Variants in GADL1 observed in about 807,000 individuals in gnomAD.
GADL1 encodes GAD like acidic amino acid decarboxylase 1.
In GADL1, 71 loss-of-function variants were observed where a neutral mutation model predicts 69.5. The ratio of observed to expected loss-of-function variants is 1.02; its 90% CI spans 0.84 to 1.25. The LOEUF (loss-of-function observed/expected upper bound fraction) is 1.25. Ranked by LOEUF, GADL1 falls within the 50% of genes most tolerant of loss-of-function variation. The probability of loss-of-function intolerance (pLI) is 0.00; values close to 1 mark genes in which losing one functional copy is unlikely to be tolerated. For missense variants in GADL1, 737 were observed against 631.8 expected (o/e 1.17, Z -1.79); for synonymous variants, 254 against 214.4 (o/e 1.18, Z -1.62).
intron 1 of GADL1, among the ~76,000 whole-genome samples, chr3:30,884,923 G>A (rs1045825140): frequency 2.6e-5 from 4 of 151,976 alleles, no homozygotes; most frequent in African/African-American, 9.7e-5. Flanking sequence ...TTTATCGTAT[G>A]GGGGCAGTGA....
At chr3:30,877,470 C>A (rs1158547854) in intron 1 of GADL1, among the ~76,000 whole-genome samples, 1 of 151,860 alleles carries the variant, frequency 6.6e-6, no homozygotes, top group Non-Finnish European at 1.5e-5. Flanking sequence ...TTTTCTTTAT[C>A]CTCTATCACT....
At chr3:30,888,962 TATA>T (rs1388925947) in intron 1 of GADL1, among the ~76,000 whole-genome samples, 1 of 151,678 alleles carries the variant, frequency 6.6e-6, no homozygotes, top group Admixed American at 6.6e-5. Flanking sequence ...TATATAAATG[TATA>T]ATATTAAAAG....
At chr3:30,854,510 C>T (rs538775506) in intron 4 of GADL1, among the ~76,000 whole-genome samples, 189 bp downstream of exon 4, 1 of 152,186 alleles carries the variant, frequency 6.6e-6, no homozygotes, top group East Asian at 1.9e-4. Flanking sequence ...ACTGCCTTTT[C>T]CATCTCACGG....
At chr3:30,859,214 A>G (rs2125535935) in intron 2 of GADL1, among the ~76,000 whole-genome samples, 1 of 151,920 alleles carries the variant, frequency 6.6e-6, no homozygotes, top group African/African-American at 2.4e-5. Flanking sequence ...GTAGCCAGGG[A>G]GTGAAAAGAC....
intron 11 of GADL1, among the ~76,000 whole-genome samples, chr3:30,825,275 A>G (rs1697663825): frequency 6.6e-6 from 1 of 151,940 alleles, no homozygotes; most frequent in African/African-American, 2.4e-5. Flanking sequence ...TTTCTGCCCA[A>G]ATCATTATTT....
intron 14 of GADL1, among the ~76,000 whole-genome samples, chr3:30,738,839 C>T (rs1477745025): frequency 6.6e-6 from 1 of 152,190 alleles, no homozygotes; most frequent in African/African-American, 2.4e-5. Flanking sequence ...ATGAGAAGCA[C>T]CTGAAATACA....
chr3:30,752,344 G>A (rs1695842923), intron 14 of GADL1, among the ~76,000 whole-genome samples: 1 of 152,014 alleles, frequency 6.6e-6, no homozygotes, highest in South Asian at 2.1e-4. Flanking sequence ...ACAGTTACGG[G>A]TGCAGTTTAA....
At chr3:30,777,160 T>C (rs940918063) in intron 14 of GADL1, among the ~76,000 whole-genome samples, 2 of 152,168 alleles carry the variant, frequency 1.3e-5, no homozygotes, top group African/African-American at 4.8e-5. Flanking sequence ...TAGTGGACAC[T>C]CAGCAAATGT....
At chr3:30,804,066 A>G (rs1303640368) in intron 11 of GADL1, among the ~76,000 whole-genome samples, 1 of 152,202 alleles carries the variant, frequency 6.6e-6, no homozygotes, top group East Asian at 1.9e-4. Context: ...ATTAGTAGAC[A>G]TTGTATTAGG....
intron 14 of GADL1, among the ~76,000 whole-genome samples, chr3:30,762,696 TCTC>T (rs777595079): frequency 4.0e-5 from 6 of 151,794 alleles, no homozygotes; most frequent in Middle Eastern, 3.4e-3. Flanking sequence ...TCATAATAGG[TCTC>T]CTTCATTCTT....
intron 14 of GADL1, among the ~76,000 whole-genome samples, chr3:30,772,587 G>T (rs1696440677): frequency 6.6e-6 from 1 of 152,122 alleles, no homozygotes; most frequent in Non-Finnish European, 1.5e-5. Context: ...AGAAAGCAAA[G>T]TGTATAGGGC....
At chr3:30,858,626 G>A (rs1407536932) in intron 2 of GADL1, among the ~76,000 whole-genome samples, 1 of 151,974 alleles carries the variant, frequency 6.6e-6, no homozygotes, top group Non-Finnish European at 1.5e-5. Context: ...GATAGCAGGA[G>A]AAGGATCTGG....
At chr3:30,855,816 T>G (rs1698222240) in intron 3 of GADL1, among the ~76,000 whole-genome samples, 1 of 151,786 alleles carries the variant, frequency 6.6e-6, no homozygotes, top group Non-Finnish European at 1.5e-5. Flanking sequence ...TTACAGCATC[T>G]GGTTTTAGTT....
Position 30,763,451 on chromosome 3 carries a change from G to A in GADL1, c.1392+14728C>T, listed in dbSNP as rs147646717. 6.1e-3 allele frequency among the ~76,000 whole-genome samples: 850 copies of A among 139,458 alleles called. 7 individuals are homozygous for A. Among genetic ancestry groups the A allele is most frequent in the African/African-American group, 0.022 (815 of 37,014 alleles). The allele number at this position is 139,458 out of a possible 152,430, so 91.5% of individuals were successfully genotyped here. On this transcript the variant is annotated intron_variant, in intron 14 of 14. Transcript: ENST00000282538. Reference sequence around the variant, plus strand: ...CGGGAGGTGGAACTTGCAGTGAACCGAGATCATGCCACCTCACTCCAGCCT... The same window carrying A: ...CGGGAGGTGGAACTTGCAGTGAACCAAGATCATGCCACCTCACTCCAGCCT...
At chr3:30,838,875 AT>A (rs1163847437) in intron 9 of GADL1, 121 bp downstream of exon 9, 1 of 597,170 alleles carries the variant, frequency 1.7e-6, no homozygotes, top group African/African-American at 2.0e-5. Flanking sequence ...ATTTCCCCCA[AT>A]TTGAGACACA....
At chr3:30,891,867 A>AC (rs1163020180) in intron 1 of GADL1, among the ~76,000 whole-genome samples, 1 of 152,142 alleles carries the variant, frequency 6.6e-6, no homozygotes, top group Non-Finnish European at 1.5e-5. Flanking sequence ...GGGTAAAAAA[A>AC]AAATACAGAA....
At chr3:30,759,342 G>A (rs1424891161) in intron 14 of GADL1, among the ~76,000 whole-genome samples, 3 of 152,142 alleles carry the variant, frequency 2.0e-5, no homozygotes, top group African/African-American at 7.2e-5. Context: ...TAGCTAAGAG[G>A]AGCTCTTGCC....
At chr3:30,873,661 C>A (rs903310217) in intron 1 of GADL1, among the ~76,000 whole-genome samples, 1 of 151,940 alleles carries the variant, frequency 6.6e-6, no homozygotes, top group African/African-American at 2.4e-5. Context: ...CAAGTGTTGA[C>A]TACAGGACTT....
intron 1 of GADL1, among the ~76,000 whole-genome samples, chr3:30,891,869 A>G (rs1698792382): frequency 6.6e-6 from 1 of 152,146 alleles, no homozygotes; most frequent in Non-Finnish European, 1.5e-5. Context: ...GTAAAAAAAA[A>G]ATACAGAAAT....
Sources: gnomAD v4.1 joint callset for allele counts (sites outside exome capture counted in the v4.1 genomes callset) on GRCh38, gnomAD v4.1.1 for gene constraint, MANE v1.5 for transcripts, NCBI Gene and HGNC (gene_info 2026-07-23, HGNC 2026-07-21) for gene names.